Variants in YTHDC2 observed in about 807,000 individuals in gnomAD.
YTHDC2 encodes the protein YTH N6-methyladenosine RNA binding protein C2.
In YTHDC2, 45 loss-of-function variants were observed where a neutral mutation model predicts 174.9. The ratio of observed to expected loss-of-function variants is 0.26; its 90% CI spans 0.20 to 0.33. The LOEUF (loss-of-function observed/expected upper bound fraction) is 0.33, where lower values mean the gene tolerates loss of function less well. YTHDC2 is among the 10% of genes least tolerant of loss of function. YTHDC2 has a pLI of 1.00. For missense variants in YTHDC2, 1,650 were observed against 1,723.7 expected, an observed-to-expected ratio of 0.96 and a Z score of 0.76; for synonymous variants, 657 against 574.5, an observed-to-expected ratio of 1.14 and a Z score of -2.05.
intron 21 of YTHDC2, among the ~76,000 whole-genome samples, chr5:113,566,351 T>C (rs938286080): frequency 2.0e-5 from 3 of 152,174 alleles, no homozygotes; most frequent in Non-Finnish European, 4.4e-5. Context: ...TGAATACTTA[T>C]TTAGTTCTGT....
At chr5:113,516,984 G>A (rs1054846756) in intron 2 of YTHDC2, among the ~76,000 whole-genome samples, 6 of 152,096 alleles carry the variant, frequency 3.9e-5, no homozygotes, top group Non-Finnish European at 1.5e-5. Context: ...TAAAAATACT[G>A]CACCTGAAAA....
At chr5:113,581,189 C>T (rs1778383577) in intron 24 of YTHDC2, 2 of 381,732 alleles carry the variant, frequency 5.2e-6, no homozygotes, top group African/African-American at 2.1e-5. Flanking sequence ...CTATTGTTTA[C>T]TGTCTTTCTT....
intron 3 of YTHDC2, among the ~76,000 whole-genome samples, chr5:113,525,623 C>T (rs1270937457): frequency 1.3e-5 from 2 of 151,996 alleles, no homozygotes; most frequent in Admixed American, 6.6e-5. Context: ...TATTATGCTG[C>T]CATAACACAC....
At chr5:113,565,867 G>T (rs1453750138) in intron 20 of YTHDC2, 26 bp from the exon 21 acceptor site, 12 of 1,605,694 alleles carry the variant, frequency 7.5e-6, no homozygotes, top group African/African-American at 1.3e-5. Flanking sequence ...AATGTGTCTT[G>T]TTATGCAATT....
In YTHDC2 at chr5:113,535,632, T is replaced by G. The variant is rs1374900305; in HGVS notation, c.946-10T>G. 6.3e-7 allele frequency: 1 copy of G among 1,592,962 alleles called. No homozygotes were observed. The highest frequency in any genetic ancestry group is 8.5e-7 in the Non-Finnish European group (1 of 1,171,466). On this transcript the variant is annotated splice_polypyrimidine_tract_variant and intron_variant, in intron 6 of 29. Coordinates refer to ENST00000161863, the MANE Select transcript of YTHDC2 (RefSeq NM_022828.5). ...TAACTGTTCCATGGTTTTATTTCTG[T>G]TTACTATAGGATGAAGTGCATGAAA... is the stretch of plus-strand genomic sequence containing the variant.
chr5:113,586,297 T>A (rs1239226661), intron 26 of YTHDC2, among the ~76,000 whole-genome samples: 5 of 152,166 alleles, frequency 3.3e-5, no homozygotes, highest in Admixed American at 2.0e-4. Context: ...TTAGCCATTG[T>A]GTATCATCTT....
chr5:113,549,725 A>G (rs943176284), intron 12 of YTHDC2, among the ~76,000 whole-genome samples: 1 of 151,996 alleles, frequency 6.6e-6, no homozygotes, highest in South Asian at 2.1e-4. Context: ...AACCTGTTCT[A>G]CGTATTCTTT....
At chr5:113,555,994 G>T (rs964903871) in intron 16 of YTHDC2, 58 bp from the exon 17 acceptor site, 18 of 1,033,242 alleles carry the variant, frequency 1.7e-5, no homozygotes, top group Non-Finnish European at 2.5e-5. Flanking sequence ...TAACATTCTT[G>T]CTATTACCTT....
At position 113,535,735 on chromosome 5, in the gene YTHDC2, T is replaced by G. The variant is rs747327637; in HGVS notation, c.1039T>G (p.Ser347Ala). The G allele has an allele frequency of 6.2e-7, 1 of 1,613,830 alleles. No homozygotes were observed. The highest frequency in any genetic ancestry group is 8.5e-7 in the Non-Finnish European group (1 of 1,179,844). ...QKHPTLKLIL[S>A]SAALDVNLFI... ...GCACCCAACTTTGAAACTAATTCTT[T>G]CTAGTGCTGCCTTGGATGTAAATCT... Residue 347 changes from serine (S) to alanine (A), a missense_variant, in exon 7 of 30, where the codon TCT (serine) becomes GCT (alanine). Around this residue, in one of 5 missense-constraint regions of YTHDC2, gnomAD observed 411 missense variants for 380.6 expected, o/e 1.08. Transcript: ENST00000161863.
intron 23 of YTHDC2, 84 bp from the exon 24 acceptor site, chr5:113,579,502 T>C: frequency 1.1e-6 from 1 of 945,352 alleles, no homozygotes; most frequent in Non-Finnish European, 1.6e-6. Context: ...GGTTTGTGTA[T>C]ATGAAGCGTA....
At position 113,556,583 on chromosome 5, in the gene YTHDC2, T is replaced by C. The variant is rs1580573808; in HGVS notation, c.2216+449T>C. Among the ~76,000 whole-genome samples the C allele has an allele frequency of 3.3e-5, 5 of 152,284 alleles. 1 individual carries two copies. Among genetic ancestry groups the C allele is most frequent in the Admixed American group, 3.3e-4 (5 of 15,290 alleles). On this transcript the variant is annotated intron_variant, in intron 17 of 29. Coordinates refer to ENST00000161863, the MANE Select transcript of YTHDC2 (RefSeq NM_022828.5). ...ACTACCTAATATGTATCTAAATAAATGCAAATTAATGAGGTATTATTTTTT... is the reference window on the plus strand; with the variant it reads ...ACTACCTAATATGTATCTAAATAAACGCAAATTAATGAGGTATTATTTTTT...
intron 23 of YTHDC2, among the ~76,000 whole-genome samples, chr5:113,573,994 G>A (rs1176514219): frequency 6.6e-6 from 1 of 152,136 alleles, no homozygotes; most frequent in African/African-American, 2.4e-5. Flanking sequence ...GCCCAGTTCT[G>A]TGCCCTTGCT....
rs531621080 is a variant in YTHDC2 at position 113,548,427 on chromosome 5, C to G, written c.1496-114C>G. ...CTGTCATTATGTAGTTAAGGAGCAA[C>G]TCTCAGGCTAATTATCCTGAAACTC... is the stretch of plus-strand genomic sequence containing the variant. On this transcript the variant is annotated intron_variant, in intron 10 of 29. Coordinates refer to ENST00000161863, the MANE Select transcript of YTHDC2 (RefSeq NM_022828.5). The G allele has an allele frequency of 7.5e-5, 76 of 1,017,068 alleles. No homozygotes were observed. The African/African-American group carries it at 1.1e-3, about 15-fold the overall frequency. 63.0% of individuals were successfully genotyped at this position (1,017,068 alleles called of 1,614,324 possible).
chr5:113,561,652 A>G (rs1366452574), intron 18 of YTHDC2, among the ~76,000 whole-genome samples: 4 of 151,878 alleles, frequency 2.6e-5, no homozygotes, highest in African/African-American at 9.7e-5. Context: ...TATTTTCAGT[A>G]GAGACAGGGT....
intron 17 of YTHDC2, among the ~76,000 whole-genome samples, chr5:113,557,237 CTT>C (rs1054554951): frequency 2.0e-5 from 3 of 151,974 alleles, no homozygotes; most frequent in Non-Finnish European, 4.4e-5. Context: ...GTTTGGGTTA[CTT>C]TTTAATTTTC....
intron 2 of YTHDC2, among the ~76,000 whole-genome samples, chr5:113,516,166 A>G (rs970518038): frequency 6.6e-6 from 1 of 152,232 alleles, no homozygotes; most frequent in African/African-American, 2.4e-5. Flanking sequence ...ATTTTTTGAT[A>G]GAAATCTCAT....
In YTHDC2 at chr5:113,555,986, A is replaced by G. The variant is rs1228912028; in HGVS notation, c.2134-66A>G. On this transcript the variant is annotated intron_variant, in intron 16 of 29. Coordinates refer to ENST00000161863, the MANE Select transcript of YTHDC2 (RefSeq NM_022828.5). ...TTTGGCATGTTAAAATATGTTGATA[A>G]CATTCTTGCTATTACCTTTTAAATA... 12 of 935,138 alleles carry G rather than the reference A, an allele frequency of 1.3e-5. No individual in the cohort carries two copies. The East Asian group carries it at 2.7e-4, about 21-fold the overall frequency. 57.9% of individuals were successfully genotyped at this position (935,138 alleles called of 1,614,324 possible).
At chr5:113,524,860 C>CT in intron 2 of YTHDC2, 121 bp from the exon 3 acceptor site, 1 of 743,498 alleles carries the variant, frequency 1.3e-6, no homozygotes, top group Non-Finnish European at 2.0e-6. Flanking sequence ...TCAGCATCTT[C>CT]TCCCAAAGCA....
At chr5:113,556,411 C>G (rs1776615026) in intron 17 of YTHDC2, 1 of 223,982 alleles carries the variant, frequency 4.5e-6, no homozygotes, top group Non-Finnish European at 8.6e-6. Context: ...CAATGTAGGA[C>G]AAAGAGCTAA....
Sources: allele counts gnomAD v4.1 joint callset (sites outside exome capture counted in the v4.1 genomes callset), GRCh38; gene constraint gnomAD v4.1.1; regional missense constraint gnomAD v4.1.1; transcripts MANE v1.5; gene names NCBI Gene and HGNC (gene_info 2026-07-23, HGNC 2026-07-21).